The following HS6ST3 variants were observed in gnomAD, a reference collection of about 807,000 sequenced individuals.
HS6ST3 encodes heparan sulfate 6-O-sulfotransferase 3.
Under a neutral mutation model 36.7 loss-of-function variants are expected in HS6ST3, and 12 were observed. That is an observed-to-expected ratio of 0.33 (90% CI 0.21 to 0.53). The LOEUF is 0.53. Among genes scored for constraint, HS6ST3 ranks in the 20% least tolerant of loss-of-function variants. The pLI is 0.95. For synonymous variants in HS6ST3, 240 were observed against 257.5 expected, an observed-to-expected ratio of 0.93 and a Z score of 0.65; for missense variants, 584 against 640.9, an observed-to-expected ratio of 0.91 and a Z score of 0.96.
At chr13:96,768,443 T>C (rs1325256708) in intron 1 of HS6ST3, among the ~76,000 whole-genome samples, 1 of 152,204 alleles carries the variant, frequency 6.6e-6, no homozygotes, top group African/African-American at 2.4e-5. Context: ...GATCACAAAC[T>C]CTGACTCTGT....
At chr13:96,760,720 A>T (rs1018398161) in intron 1 of HS6ST3, among the ~76,000 whole-genome samples, 3 of 152,174 alleles carry the variant, frequency 2.0e-5, no homozygotes, top group African/African-American at 7.2e-5. Context: ...TCATCCAAAC[A>T]TCTCAGACTA....
rs144754284 is a variant in HS6ST3 at position 96,316,418 on chromosome 13, G to A, written c.707+224849G>A. On this transcript the variant is annotated intron_variant, in intron 1 of 1. Coordinates refer to ENST00000376705, the MANE Select transcript of HS6ST3 (RefSeq NM_153456.4). ...TCCCTAAGTTCCAAACTATCCCAGG[G>A]TGCTCAGCTCCATTGCCTCCCTGGG... is the stretch of plus-strand genomic sequence containing the variant. Among the ~76,000 whole-genome samples the A allele has an allele frequency of 3.9e-5, 6 of 152,196 alleles. No homozygotes were observed. The East Asian group carries it at 1.2e-3, about 29-fold the overall frequency.
chr13:96,588,191 C>CT (rs151005715), intron 1 of HS6ST3, among the ~76,000 whole-genome samples: 298 of 145,510 alleles, frequency 2.0e-3, no homozygotes, highest in African/African-American at 6.9e-3. Flanking sequence ...GACAATTTAC[C>CT]TTTTTTTTTT....
At chr13:96,257,960 A>C (rs907525552) in intron 1 of HS6ST3, among the ~76,000 whole-genome samples, 2 of 152,180 alleles carry the variant, frequency 1.3e-5, no homozygotes, top group Non-Finnish European at 2.9e-5. Flanking sequence ...AGTGCAATTG[A>C]ATTTTGCAGG....
At chr13:96,395,309 T>C (rs1002103179) in intron 1 of HS6ST3, among the ~76,000 whole-genome samples, 2 of 152,234 alleles carry the variant, frequency 1.3e-5, no homozygotes, top group East Asian at 1.9e-4. Flanking sequence ...TATTTTGTAA[T>C]AAAACAAACT....
intron 1 of HS6ST3, among the ~76,000 whole-genome samples, chr13:96,329,979 G>A (rs1442520255): frequency 6.6e-6 from 1 of 151,066 alleles, no homozygotes; most frequent in South Asian, 2.1e-4. Context: ...TTTAAAGTCT[G>A]TTTTATCATA....
At chr13:96,445,645 A>G (rs2055694321) in intron 1 of HS6ST3, among the ~76,000 whole-genome samples, 2 of 150,178 alleles carry the variant, frequency 1.3e-5, no homozygotes, top group South Asian at 4.2e-4. Flanking sequence ...GGCAAGCAGA[A>G]CACTTGAGGC....
chr13:96,139,134 T>C (rs2054016943), intron 1 of HS6ST3, among the ~76,000 whole-genome samples: 1 of 152,140 alleles, frequency 6.6e-6, no homozygotes, highest in Admixed American at 6.5e-5. Context: ...GTTAAGAATG[T>C]ATTCTCTAAG....
At chr13:96,394,176 G>C (rs2055409343) in intron 1 of HS6ST3, among the ~76,000 whole-genome samples, 1 of 152,140 alleles carries the variant, frequency 6.6e-6, no homozygotes, top group African/African-American at 2.4e-5. Flanking sequence ...GGGTAAACCA[G>C]ATGTCTGGTT....
chr13:96,254,309 G>T (rs902479451), intron 1 of HS6ST3, among the ~76,000 whole-genome samples: 1 of 148,592 alleles, frequency 6.7e-6, no homozygotes, highest in Non-Finnish European at 1.5e-5. Context: ...AGCTACTCAG[G>T]AGGCTGAGGC....
intron 1 of HS6ST3, among the ~76,000 whole-genome samples, chr13:96,438,937 T>C (rs1204206964): frequency 6.6e-6 from 1 of 152,060 alleles, no homozygotes; most frequent in Non-Finnish European, 1.5e-5. Flanking sequence ...GCATGGTGGC[T>C]GGTACCTGTA....
chr13:96,276,513 T>C (rs2149315), intron 1 of HS6ST3, among the ~76,000 whole-genome samples: 74,193 of 152,016 alleles, frequency 0.49, 18,733 homozygotes, highest in African/African-American at 0.61. Flanking sequence ...TTCTTTATTT[T>C]GGAAAGAGGA....
intron 1 of HS6ST3, among the ~76,000 whole-genome samples, chr13:96,564,547 C>T (rs1234900363): frequency 6.6e-6 from 1 of 152,036 alleles, no homozygotes; most frequent in Non-Finnish European, 1.5e-5. Flanking sequence ...AAAACCATAG[C>T]AATATATACA....
chr13:96,460,570 A>G (rs947946991), intron 1 of HS6ST3, among the ~76,000 whole-genome samples: 49 of 152,320 alleles, frequency 3.2e-4, no homozygotes, highest in Middle Eastern at 6.8e-3. Context: ...GGCCTGGTCT[A>G]TACACCTTTT....
chr13:96,282,380 A>T (rs532337637), intron 1 of HS6ST3, among the ~76,000 whole-genome samples: 29 of 152,262 alleles, frequency 1.9e-4, no homozygotes, highest in Admixed American at 1.2e-3. Flanking sequence ...GGGGTGAAGG[A>T]ATAGTGAAGT....
At chr13:96,645,961 A>G (rs1328000723) in intron 1 of HS6ST3, among the ~76,000 whole-genome samples, 1 of 151,906 alleles carries the variant, frequency 6.6e-6, no homozygotes, top group Non-Finnish European at 1.5e-5. Context: ...TGTAATTTTC[A>G]ATTGGATGCT....
chr13:96,828,793 T>C (rs2138547483), intron 1 of HS6ST3, among the ~76,000 whole-genome samples: 1 of 152,354 alleles, frequency 6.6e-6, no homozygotes, highest in African/African-American at 2.4e-5. Flanking sequence ...TGAGTTTATC[T>C]AAATAAAAAA....
intron 1 of HS6ST3, among the ~76,000 whole-genome samples, chr13:96,165,156 T>C (rs1177534285): frequency 6.6e-6 from 1 of 152,160 alleles, no homozygotes; most frequent in African/African-American, 2.4e-5. Context: ...CATAATTTTC[T>C]TTTTTTAAAA....
chr13:96,693,456 C>A (rs1875031590), intron 1 of HS6ST3, among the ~76,000 whole-genome samples: 1 of 152,050 alleles, frequency 6.6e-6, no homozygotes, highest in Admixed American at 6.6e-5. Flanking sequence ...AGGCATGCAC[C>A]ACCACACCCA....
Sources: allele counts gnomAD v4.1 joint callset (sites outside exome capture counted in the v4.1 genomes callset), GRCh38; gene constraint gnomAD v4.1.1; transcripts MANE v1.5; gene names NCBI Gene and HGNC (gene_info 2026-07-23, HGNC 2026-07-21).